TGM1: variants seen among roughly 807,000 people sequenced by gnomAD.
The protein encoded by TGM1 is transglutaminase 1.
A neutral mutation model predicts 88.7 loss-of-function variants in TGM1; 63 were observed. The observed-to-expected ratio is 0.71, with a 90% confidence interval of 0.58 to 0.88. The LOEUF (loss-of-function observed/expected upper bound fraction) is 0.88. TGM1 is among the 40% of genes least tolerant of loss of function. The pLI, the probability that TGM1 is intolerant of heterozygous loss-of-function variation, is 0.00. For missense variants in TGM1, 996 were observed against 1,118.0 expected (o/e 0.89, Z 1.56); for synonymous variants, 415 against 431.1 (o/e 0.96, Z 0.46).
intron 1 of TGM1, among the ~76,000 whole-genome samples, chr14:24,262,797 G>A (rs2040825762): frequency 6.6e-6 from 1 of 152,234 alleles, no homozygotes; most frequent in South Asian, 2.1e-4. Flanking sequence ...TTTCTTAGCA[G>A]AAATCCCCCA....
intron 3 of TGM1, among the ~76,000 whole-genome samples, chr14:24,261,433 G>A (rs890106928): frequency 1.3e-5 from 2 of 152,164 alleles, no homozygotes; most frequent in South Asian, 2.1e-4. Context: ...TGCCGAAGGA[G>A]GCACCGAGGC....
chr14:24,251,531 C>A (rs144551444), intron 14 of TGM1, among the ~76,000 whole-genome samples: 1 of 152,192 alleles, frequency 6.6e-6, no homozygotes, highest in Non-Finnish European at 1.5e-5. Context: ...AAGCTGAGTA[C>A]AAGCCATCTG....
intron 14 of TGM1, among the ~76,000 whole-genome samples, chr14:24,253,127 T>G (rs2040715129): frequency 6.6e-6 from 1 of 152,218 alleles, no homozygotes; most frequent in Non-Finnish European, 1.5e-5. Flanking sequence ...GTGCATGGTA[T>G]GCACCACAGT....
At chr14:24,254,554 C>A (rs2040728136) in intron 13 of TGM1, 110 bp downstream of exon 13, 24 of 1,555,662 alleles carry the variant, frequency 1.5e-5, no homozygotes, top group Non-Finnish European at 2.0e-5. Context: ...CCTTCTCCTA[C>A]AAAGGCTCAT....
At chr14:24,251,053 G>A (rs1019826171) in intron 14 of TGM1, among the ~76,000 whole-genome samples, 2 of 152,148 alleles carry the variant, frequency 1.3e-5, no homozygotes, top group African/African-American at 4.8e-5. Context: ...TGTTAGCTGT[G>A]AGGCTTATGA....
chr14:24,249,561 CATGGGCCTGGAGTAA>C lies in TGM1; in HGVS notation c.2226-35_2226-21del, dbSNP rs769094863. ...ATGTCCCTGTGGGCAGAGACAAGGT[CATGGGCCTGGAGTAA>C]TTGGGGGTGGAGTGGGGAGTAAGAG... On this transcript the variant is annotated intron_variant, in intron 14 of 14. Coordinates refer to ENST00000206765, the MANE Select transcript of TGM1 (RefSeq NM_000359.3). 3 of 1,608,154 alleles carry C rather than the reference CATGGGCCTGGAGTAA, an allele frequency of 1.9e-6. No individual in the cohort carries two copies. The highest frequency in any genetic ancestry group is 2.2e-5 in the South Asian group (2 of 90,504).
At chr14:24,250,164 G>GTA (rs2040689297) in intron 14 of TGM1, among the ~76,000 whole-genome samples, 3 of 43,034 alleles carry the variant, frequency 7.0e-5, no homozygotes, top group South Asian at 1.4e-3. Flanking sequence ...GTGTGTGTGT[G>GTA]TGTGTGTGTG....
chr14:24,262,817 T>C (rs1217713289), intron 1 of TGM1, among the ~76,000 whole-genome samples: 5 of 152,200 alleles, frequency 3.3e-5, no homozygotes, highest in African/African-American at 1.2e-4. Flanking sequence ...AACTCAAGGT[T>C]CCTCACAAGA....
rs2040677347 is a variant in TGM1 at position 24,249,121 on chromosome 14, A to T, written c.*192T>A. 1.5e-6 allele frequency: 1 copy of T among 650,416 alleles called. No individual in the cohort carries two copies. The highest frequency in any genetic ancestry group is 2.3e-5 in the Admixed American group (1 of 42,736). The allele number at this position is 650,416 out of a possible 1,614,324, so 40.3% of individuals were successfully genotyped here. A position where few individuals can be genotyped will look rare whatever the true frequency, so the allele number is the denominator to read the frequency against. On this transcript the variant is annotated 3_prime_UTR_variant, in exon 15 of 15. Transcript: ENST00000206765. ...GATGGACAGAGCAGCAGCTTCATTA[A>T]AAAACAGTTTATTAGCATCTGTTCC... is the stretch of plus-strand genomic sequence containing the variant.
In TGM1 at chr14:24,260,003, C is replaced by G; in HGVS notation, c.813G>C (p.Glu271Asp). The part of the protein sequence containing the change: ...EDWRQEYVLN[E>D]SGRIYYGTEA... ...CGGTCCCGTAGTAAATTCTCCCAGA[C>G]TCATTAAGAACATACTCCTGCCGCC... is the stretch of plus-strand genomic sequence containing the variant. Residue 271 changes from glutamate to aspartate, a missense_variant, in exon 5 of 15, where the codon GAG (glutamate) becomes GAC (aspartate). Glu to Asp is a conservative substitution (Grantham distance 45, BLOSUM62 2). Transcript: ENST00000206765. 1.2e-6 allele frequency: 2 copies of G among 1,614,218 alleles called. No individual in the cohort carries two copies. Among genetic ancestry groups the G allele is most frequent in the Non-Finnish European group, 1.7e-6 (2 of 1,180,050 alleles).
intron 7 of TGM1, 95 bp from the exon 8 acceptor site, chr14:24,258,768 GC>G: frequency 6.5e-7 from 1 of 1,547,534 alleles, no homozygotes; most frequent in Non-Finnish European, 8.8e-7. Flanking sequence ...AACTAGGATT[GC>G]CAAGCTGGGC....
At chr14:24,252,009 C>A (rs970058019) in intron 14 of TGM1, among the ~76,000 whole-genome samples, 1 of 152,174 alleles carries the variant, frequency 6.6e-6, no homozygotes. Context: ...TTGGTGGTGA[C>A]AACAGCCATC....
intron 9 of TGM1, among the ~76,000 whole-genome samples, 184 bp downstream of exon 9, chr14:24,258,101 G>C (rs770650474): frequency 6.6e-6 from 1 of 152,222 alleles, no homozygotes; most frequent in East Asian, 1.9e-4. Flanking sequence ...CAAATAGAGA[G>C]TTATATAGAA....
At chr14:24,252,470 C>T (rs183808195) in intron 14 of TGM1, among the ~76,000 whole-genome samples, 70 of 152,324 alleles carry the variant, frequency 4.6e-4, no homozygotes, top group Non-Finnish European at 7.6e-4. Flanking sequence ...GAGGAACCTC[C>T]CCCCACCATG....
At chr14:24,258,171 G>T (rs1464146433) in intron 9 of TGM1, 114 bp downstream of exon 9, 4 of 771,078 alleles carry the variant, frequency 5.2e-6, no homozygotes, top group Non-Finnish European at 4.4e-6. Flanking sequence ...TTAAGAAGCC[G>T]CGGGGTTACA....
intron 9 of TGM1, among the ~76,000 whole-genome samples, chr14:24,256,715 C>T (rs896414130): frequency 2.6e-5 from 4 of 152,100 alleles, no homozygotes; most frequent in African/African-American, 9.7e-5. Flanking sequence ...TAAGTGAGTA[C>T]CATCCAACCG....
At chr14:24,260,796 C>T in intron 3 of TGM1, 98 bp from the exon 4 acceptor site, 2 of 1,521,974 alleles carry the variant, frequency 1.3e-6, no homozygotes, top group South Asian at 1.1e-5. Flanking sequence ...GTGTATGAGC[C>T]ACTGTGTATG....
rs138497842 is a variant in TGM1, at chr14:24,250,179, T to TGTGTGTGTGAGAGA, written c.2226-639_2226-638insTCTCTCACACACAC. 3.0e-3 allele frequency among the ~76,000 whole-genome samples: 418 copies of TGTGTGTGTGAGAGA among 140,794 alleles called. 3 individuals are homozygous for TGTGTGTGTGAGAGA. The highest frequency in any genetic ancestry group is 8.7e-3 in the African/African-American group (324 of 37,160). The allele number at this position is 140,794 out of a possible 152,430, so 92.4% of individuals were successfully genotyped here. On this transcript the variant is annotated intron_variant, in intron 14 of 14. Coordinates refer to ENST00000206765, the MANE Select transcript of TGM1 (RefSeq NM_000359.3). Reference sequence around the variant, plus strand: ...GTGTGTGTGTGTGTGTGTGTGTGTGTGAGAGAGACAGAGAGGTGGGTGGAC... The same window carrying TGTGTGTGTGAGAGA: ...GTGTGTGTGTGTGTGTGTGTGTGTGTGTGTGTGTGAGAGAGAGAGAGACAGAGAGGTGGGTGGAC...
intron 14 of TGM1, among the ~76,000 whole-genome samples, chr14:24,250,298 T>C (rs2040691412): frequency 6.6e-6 from 1 of 152,022 alleles, no homozygotes; most frequent in Non-Finnish European, 1.5e-5. Flanking sequence ...CTGGGAATCA[T>C]GATTTCACTA....
Sources: allele counts gnomAD v4.1 joint callset (sites outside exome capture counted in the v4.1 genomes callset), GRCh38; gene constraint gnomAD v4.1.1; transcripts MANE v1.5; gene names NCBI Gene and HGNC (gene_info 2026-07-23, HGNC 2026-07-21).